The following CSMD1 variants were observed in gnomAD, a reference collection of about 807,000 sequenced individuals.
CSMD1 encodes CUB and sushi domain-containing protein 1.
CSMD1 carries 213 observed loss-of-function variants against 417.5 expected under a neutral mutation model. That is an observed-to-expected ratio of 0.51 (90% confidence interval 0.46 to 0.57). The LOEUF is 0.57. Ranked by LOEUF, CSMD1 falls within the 20% of genes least tolerant of loss-of-function variation. The pLI is 0.00. For synonymous variants in CSMD1, 2,862 were observed against 1,736.8 expected (o/e 1.65, Z -16.11); for missense variants, 6,923 against 4,529.7 (o/e 1.53, Z -15.17).
intron 12 of CSMD1, among the ~76,000 whole-genome samples, chr8:3,413,965 C>G (rs1426882461): frequency 1.3e-5 from 2 of 151,318 alleles, no homozygotes; most frequent in Non-Finnish European, 2.9e-5. Context: ...ATCATGAAAC[C>G]CTATCTCTAC....
intron 1 of CSMD1, among the ~76,000 whole-genome samples, chr8:4,867,250 TATGCAAATTGA>T (rs1465055251): frequency 6.6e-6 from 1 of 152,086 alleles, no homozygotes; most frequent in African/African-American, 2.4e-5. Flanking sequence ...GGTTGTTAAA[TATGCAAATTGA>T]TAAACACTCC....
intron 1 of CSMD1, among the ~76,000 whole-genome samples, chr8:4,742,842 T>A (rs1408161453): frequency 6.6e-6 from 1 of 152,164 alleles, no homozygotes; most frequent in African/African-American, 2.4e-5. Flanking sequence ...ATATATCAAA[T>A]TGCAGTTACA....
intron 7 of CSMD1, among the ~76,000 whole-genome samples, chr8:3,695,695 T>C (rs1160506082): frequency 1.3e-5 from 2 of 152,162 alleles, no homozygotes; most frequent in Non-Finnish European, 2.9e-5. Flanking sequence ...CAAATTGTAT[T>C]TAAAAGTTAC....
At chr8:4,853,564 C>G (rs1756706440) in intron 1 of CSMD1, among the ~76,000 whole-genome samples, 1 of 152,178 alleles carries the variant, frequency 6.6e-6, no homozygotes, top group African/African-American at 2.4e-5. Flanking sequence ...AGAAGGCTGC[C>G]ACAAAGGTAG....
chr8:3,519,777 T>G (rs189715021), intron 10 of CSMD1, among the ~76,000 whole-genome samples: 10 of 152,104 alleles, frequency 6.6e-5, no homozygotes, highest in Admixed American at 3.9e-4. Context: ...TATGGAACAC[T>G]TGCATCATTT....
intron 5 of CSMD1, among the ~76,000 whole-genome samples, chr8:3,932,053 G>C (rs1354346100): frequency 1.3e-5 from 2 of 150,410 alleles, no homozygotes; most frequent in African/African-American, 2.5e-5. Flanking sequence ...TCATCAGAGA[G>C]TAGGATTCAA....
intron 3 of CSMD1, among the ~76,000 whole-genome samples, chr8:4,110,344 C>T (rs1003168005): frequency 6.6e-6 from 1 of 152,110 alleles, no homozygotes; most frequent in Admixed American, 6.5e-5. Context: ...CCTCTAACTT[C>T]AGCCTATGGA....
At chr8:3,769,950 G>T (rs1039002295) in intron 5 of CSMD1, among the ~76,000 whole-genome samples, 1 of 152,184 alleles carries the variant, frequency 6.6e-6, no homozygotes, top group Non-Finnish European at 1.5e-5. Flanking sequence ...TAGGCTTTGG[G>T]AAGAAGCCTT....
chr8:3,700,794 T>C (rs1204128169), intron 7 of CSMD1, among the ~76,000 whole-genome samples: 1 of 151,686 alleles, frequency 6.6e-6, no homozygotes, highest in African/African-American at 2.4e-5. Flanking sequence ...GATGCAAGGG[T>C]GGGAGCAAAG....
At chr8:4,601,879 G>A (rs1040184340) in intron 2 of CSMD1, among the ~76,000 whole-genome samples, 4 of 152,098 alleles carry the variant, frequency 2.6e-5, no homozygotes, top group Non-Finnish European at 5.9e-5. Context: ...TGTGGAGCAG[G>A]GCACAGCCTG....
chr8:4,217,241 A>G lies in CSMD1; in HGVS notation c.416-185142T>C, dbSNP rs899642001. On this transcript the variant is annotated intron_variant, in intron 3 of 69. Coordinates refer to ENST00000635120, the MANE Select transcript of CSMD1 (RefSeq NM_033225.6). ...CTCTTCTTGATATAAAAATGCTTCT[A>G]TCTAGATATGGGATTTAGAATTTGC... Among the ~76,000 whole-genome samples the G allele has an allele frequency of 5.3e-5, 8 of 152,306 alleles. No homozygotes were observed. The South Asian group carries it at 1.4e-3, about 28-fold the overall frequency.
At chr8:3,494,198 G>C (rs193190165) in intron 10 of CSMD1, among the ~76,000 whole-genome samples, 1 of 152,092 alleles carries the variant, frequency 6.6e-6, no homozygotes, top group Non-Finnish European at 1.5e-5. Flanking sequence ...AGGATACAAA[G>C]CTCTCCTCTA....
At chr8:4,437,228 T>C (rs559800075) in intron 2 of CSMD1, among the ~76,000 whole-genome samples, 45 of 152,340 alleles carry the variant, frequency 3.0e-4, no homozygotes, top group Middle Eastern at 3.4e-3. Flanking sequence ...ATGTATCAAA[T>C]TGAAGAACTG....
At chr8:3,346,277 C>T (rs1332164924) in intron 22 of CSMD1, among the ~76,000 whole-genome samples, 3 of 152,174 alleles carry the variant, frequency 2.0e-5, no homozygotes, top group Admixed American at 1.3e-4. Flanking sequence ...AATTTCCTTC[C>T]TTCCATTGCA....
At chr8:3,183,720 C>T (rs992045910) in intron 36 of CSMD1, among the ~76,000 whole-genome samples, 7 of 152,224 alleles carry the variant, frequency 4.6e-5, no homozygotes, top group Non-Finnish European at 1.0e-4. Flanking sequence ...ATACCATTGG[C>T]ATCCATCCAC....
chr8:4,787,699 T>C, intron 1 of CSMD1: 1 of 1,593,646 alleles, frequency 6.3e-7, no homozygotes, highest in Non-Finnish European at 8.6e-7. Flanking sequence ...GGAGTTGTTT[T>C]TCAAGGATGC....
intron 1 of CSMD1, among the ~76,000 whole-genome samples, chr8:4,991,655 G>C (rs1424034270): frequency 6.6e-6 from 1 of 152,130 alleles, no homozygotes; most frequent in Non-Finnish European, 1.5e-5. Flanking sequence ...GGGCCCTGGA[G>C]CGCGCTGCCG....
chr8:3,724,597 G>C (rs1261864464), intron 6 of CSMD1, among the ~76,000 whole-genome samples: 1 of 152,108 alleles, frequency 6.6e-6, no homozygotes, highest in Non-Finnish European at 1.5e-5. Context: ...TAGGGAGGGG[G>C]AATGAGAATT....
intron 3 of CSMD1, among the ~76,000 whole-genome samples, chr8:4,232,037 G>A (rs1055338140): frequency 6.6e-6 from 1 of 152,110 alleles, no homozygotes; most frequent in African/African-American, 2.4e-5. Context: ...CAATATGTTG[G>A]CCTGATACTA....
Sources: allele counts gnomAD v4.1 joint callset (sites outside exome capture counted in the v4.1 genomes callset), GRCh38; gene constraint gnomAD v4.1.1; transcripts MANE v1.5; gene names NCBI Gene and HGNC (gene_info 2026-07-23, HGNC 2026-07-21).